Variants in NOS1 observed in about 807,000 individuals in gnomAD.
The protein encoded by NOS1 is NOS type I.
NOS1 carries 51 observed loss-of-function variants against 164.5 expected under a neutral mutation model. That is an observed-to-expected ratio of 0.31 (90% CI 0.25 to 0.39). The LOEUF (loss-of-function observed/expected upper bound fraction) is 0.39. NOS1 is among the 10% of genes least tolerant of loss of function. The pLI is 1.00. For missense variants in NOS1, 1,362 were observed against 1,885.6 expected (o/e 0.72, Z 5.14); for synonymous variants, 719 against 745.8 (o/e 0.96, Z 0.59).
chr12:117,231,627 T>C (rs1303225630), intron 22 of NOS1, among the ~76,000 whole-genome samples: 1 of 152,066 alleles, frequency 6.6e-6, no homozygotes, highest in African/African-American at 2.4e-5. Context: ...AACCAAGGCA[T>C]GGTGAGATCC....
intron 13 of NOS1, among the ~76,000 whole-genome samples, chr12:117,263,016 A>T (rs1872068265): frequency 6.6e-6 from 1 of 152,260 alleles, no homozygotes; most frequent in African/African-American, 2.4e-5. Flanking sequence ...TATTTCCAGG[A>T]ACCATTCCTC....
In NOS1 at chr12:117,263,203, G is replaced by T. The variant is rs9658407; in HGVS notation, c.2222+686C>A. On this transcript the variant is annotated intron_variant, in intron 13 of 28. Coordinates refer to ENST00000317775, the MANE Select transcript of NOS1 (RefSeq NM_000620.5). Reference sequence around the variant, plus strand: ...AGCTAGAACTACAGGCGTGTGCTGCGACACCCAACTAATGAATGAATGAAT... The same window carrying T: ...AGCTAGAACTACAGGCGTGTGCTGCTACACCCAACTAATGAATGAATGAAT... Among the ~76,000 whole-genome samples, 23 of 152,094 alleles carry T rather than the reference G, an allele frequency of 1.5e-4. No homozygotes were observed. The South Asian group carries it at 4.8e-3, about 32-fold the overall frequency.
Position 117,211,947 on chromosome 12 carries a change from C to T in NOS1, c.*3362G>A, listed in dbSNP as rs910172069. ...GGGCGTGGTGGTAGGCGCCTGTAGT[C>T]CCAGTTACTCAGGAGGCCGAGGCAG... On this transcript the variant is annotated 3_prime_UTR_variant, in exon 29 of 29. Transcript: ENST00000317775. 3.2e-6 allele frequency: 2 copies of T among 624,942 alleles called. No homozygotes were observed. Among genetic ancestry groups the T allele is most frequent in the Non-Finnish European group, 4.0e-6 (2 of 501,020 alleles). 38.7% of individuals were successfully genotyped at this position (624,942 alleles called of 1,614,324 possible).
chr12:117,298,776 C>A (rs758892560), intron 3 of NOS1, among the ~76,000 whole-genome samples: 3 of 152,162 alleles, frequency 2.0e-5, no homozygotes, highest in African/African-American at 7.2e-5. Flanking sequence ...GCACCGCCAA[C>A]ACCTTGATTT....
intron 6 of NOS1, 111 bp downstream of exon 6, chr12:117,285,993 T>A: frequency 1.7e-6 from 2 of 1,200,500 alleles, no homozygotes; most frequent in Non-Finnish European, 2.4e-6. Flanking sequence ...TAGGTCACCA[T>A]GGCTACCAGG....
chr12:117,326,246 C>T (rs1024995092), intron 2 of NOS1, among the ~76,000 whole-genome samples: 7 of 151,982 alleles, frequency 4.6e-5, no homozygotes, highest in African/African-American at 9.7e-5. Context: ...ATTAGCCAGG[C>T]GTGGTGGCAC....
intron 25 of NOS1, among the ~76,000 whole-genome samples, chr12:117,224,466 TAGTAA>T (rs1421976868): frequency 6.6e-6 from 1 of 152,060 alleles, no homozygotes; most frequent in Non-Finnish European, 1.5e-5. Context: ...TTGTATTTTT[TAGTAA>T]AGACAGGGTT....
intron 9 of NOS1, among the ~76,000 whole-genome samples, chr12:117,277,363 T>C (rs1242116350): frequency 6.6e-6 from 1 of 151,840 alleles, no homozygotes; most frequent in Non-Finnish European, 1.5e-5. Context: ...GGTGGGAGGA[T>C]CACTTGAGCC....
At chr12:117,227,365 G>A in intron 23 of NOS1, 66 bp downstream of exon 23, 1 of 1,509,496 alleles carries the variant, frequency 6.6e-7, no homozygotes, top group Admixed American at 1.8e-5. Flanking sequence ...GGTGGTTTAG[G>A]GAACCCTCCA....
chr12:117,277,859 G>C (rs1475231068), intron 9 of NOS1, 100 bp downstream of exon 9: 2 of 1,366,844 alleles, frequency 1.5e-6, no homozygotes, highest in Non-Finnish European at 2.0e-6. Flanking sequence ...TTTCAGCTTC[G>C]GTCTGGACTA....
intron 13 of NOS1, 60 bp from the exon 14 acceptor site, chr12:117,260,669 G>C (rs1043640998): frequency 6.4e-7 from 1 of 1,561,160 alleles, no homozygotes; most frequent in Non-Finnish European, 8.8e-7. Flanking sequence ...GAAGATGCTG[G>C]ATTGGGACTT....
At chr12:117,222,617 A>T in intron 26 of NOS1, 98 bp downstream of exon 26, 1 of 1,132,188 alleles carries the variant, frequency 8.8e-7, no homozygotes, top group Non-Finnish European at 1.3e-6. Flanking sequence ...AGGGAAAATC[A>T]GGAAGCTTAA....
Position 117,288,114 on chromosome 12 carries a change from C to T in NOS1, c.1087G>A (p.Ala363Thr), listed in dbSNP as rs149855373. ...TAGTATTGATCAATAAACTCTTTGG[C>T]GAGAGGGAAGAGCTGTCCTTTTGTG... ...VRTKGQLFPL[A>T]KEFIDQYYSS... Residue 363 changes from alanine to threonine, a missense_variant, in exon 5 of 29, where the codon GCC becomes ACC. Transcript: ENST00000317775. 11 of 1,614,134 alleles carry T rather than the reference C, an allele frequency of 6.8e-6. No individual in the cohort carries two copies. Among genetic ancestry groups the T allele is most frequent in the East Asian group, 2.2e-5 (1 of 44,888 alleles).
intron 22 of NOS1, among the ~76,000 whole-genome samples, chr12:117,230,841 G>A (rs1391287865): frequency 1.3e-5 from 2 of 152,206 alleles, no homozygotes; most frequent in African/African-American, 4.8e-5. Flanking sequence ...ATCATGTTAA[G>A]TGAAGGAAGC....
intron 3 of NOS1, among the ~76,000 whole-genome samples, chr12:117,300,799 G>C (rs564461330): frequency 2.5e-4 from 38 of 152,208 alleles, no homozygotes; most frequent in African/African-American, 9.2e-4. Context: ...AGGGATTTGG[G>C]GCATCCTCCT....
At chr12:117,358,177 G>A (rs1328828970) in intron 1 of NOS1, among the ~76,000 whole-genome samples, 1 of 152,216 alleles carries the variant, frequency 6.6e-6, no homozygotes, top group East Asian at 1.9e-4. Context: ...CAATATGCAG[G>A]CGAATTGACC....
Position 117,265,389 on chromosome 12 carries a change from A to T in NOS1, c.2063T>A (p.Met688Lys). 1 of 1,590,662 alleles carries T rather than the reference A, an allele frequency of 6.3e-7. No homozygotes were observed. The highest frequency in any genetic ancestry group is 8.6e-7 in the Non-Finnish European group (1 of 1,168,152). ...GAACACAGGGGTGATGCTTCCGGACATGGGGGGCACGATCCACACCCAGTC... is the reference window on the plus strand; with the variant it reads ...GAACACAGGGGTGATGCTTCCGGACTTGGGGGGCACGATCCACACCCAGTC... Reference protein sequence around the residue: ...PADWVWIVPPMSGSITPVFHQ... With the variant: ...PADWVWIVPPKSGSITPVFHQ... Residue 688 changes from methionine to lysine, a missense_variant, in exon 12 of 29, where the codon ATG (methionine) becomes AAG (lysine). Physicochemically the swap from Met to Lys is moderately conservative, Grantham distance 95 (BLOSUM62 -1). Around this residue, in one of 4 missense-constraint regions of NOS1, gnomAD observed 737 missense variants for 1,030.3 expected, o/e 0.72. Transcript: ENST00000317775.
chr12:117,265,578 C>G, intron 11 of NOS1, 68 bp from the exon 12 acceptor site: 2 of 1,197,124 alleles, frequency 1.7e-6, no homozygotes, highest in South Asian at 2.0e-5. Flanking sequence ...CTCCCTGCCC[C>G]AAAGAGCAGC....
intron 2 of NOS1, among the ~76,000 whole-genome samples, chr12:117,321,981 TCTC>T (rs1295077953): frequency 6.4e-5 from 2 of 31,066 alleles, no homozygotes; most frequent in African/African-American, 2.7e-4. Context: ...TCCCTCCTTC[TCTC>T]CTTCCTTCCC....
Sources: allele counts gnomAD v4.1 joint callset (sites outside exome capture counted in the v4.1 genomes callset), GRCh38; gene constraint gnomAD v4.1.1; regional missense constraint gnomAD v4.1.1; transcripts MANE v1.5; gene names NCBI Gene and HGNC (gene_info 2026-07-23, HGNC 2026-07-21).